The following LGR6 variants were observed in gnomAD, a reference collection of about 807,000 sequenced individuals.
LGR6 encodes the protein leucine rich repeat containing G protein-coupled receptor 6.
Under a neutral mutation model 69.4 loss-of-function variants are expected in LGR6, and 45 were observed. The ratio of observed to expected loss-of-function variants is 0.65; its 90% CI spans 0.51 to 0.83. The LOEUF is 0.83. LGR6 is among the 40% of genes least tolerant of loss of function. The probability of loss-of-function intolerance (pLI) is 0.00; values close to 1 mark genes in which losing one functional copy is unlikely to be tolerated. For synonymous variants in LGR6, 538 were observed against 555.0 expected (o/e 0.97, Z 0.43); for missense variants, 1,108 against 1,246.7 (o/e 0.89, Z 1.68).
rs150859191 is a variant in LGR6, at chr1:202,318,348, C to G, written c.2045C>G (p.Ser682Cys). ...SCVRAYGKSP[S>C]LGSVRAGVLG... is the part of the protein sequence containing the mutation. ...GTCCGGGCCTATGGGAAGTCCCCCTCCCTGGGCAGCGTTCGAGCAGGGGTC... is the reference window on the plus strand; with the variant it reads ...GTCCGGGCCTATGGGAAGTCCCCCTGCCTGGGCAGCGTTCGAGCAGGGGTC... The change falls in exon 18 of 18, where the codon TCC becomes TGC. Residue 682 changes from serine to cysteine, a missense_variant. By Grantham distance (112) the Ser-to-Cys change is moderately radical. Transcript: ENST00000367278. The G allele has an allele frequency of 1.3e-6, 2 of 1,598,178 alleles. No homozygotes were observed. Among genetic ancestry groups the G allele is most frequent in the Non-Finnish European group, 1.7e-6 (2 of 1,172,172 alleles).
chr1:202,227,002 G>A (rs939984222), intron 2 of LGR6, among the ~76,000 whole-genome samples: 7 of 152,106 alleles, frequency 4.6e-5, no homozygotes, highest in South Asian at 4.1e-4. Context: ...CGTCTCCCAC[G>A]ACCTGAGAGG....
intron 6 of LGR6, among the ~76,000 whole-genome samples, chr1:202,284,791 C>T (rs1023212564): frequency 6.6e-6 from 1 of 152,210 alleles, no homozygotes; most frequent in Non-Finnish European, 1.5e-5. Flanking sequence ...GATCTGGGAA[C>T]TTGATGGCTG....
chr1:202,300,819 T>A, intron 7 of LGR6, 30 bp from the exon 8 acceptor site: 1 of 1,565,492 alleles, frequency 6.4e-7, no homozygotes, highest in Non-Finnish European at 8.7e-7. Context: ...TTTCTCCAAA[T>A]CCTCACTGGT....
chr1:202,280,760 G>A, intron 5 of LGR6, 21 bp from the exon 6 acceptor site: 1 of 1,613,822 alleles, frequency 6.2e-7, no homozygotes, highest in South Asian at 1.1e-5. Context: ...CCATTCTGAT[G>A]CGTCTTTCCT....
chr1:202,303,999 C>T (rs1667795771), intron 10 of LGR6, among the ~76,000 whole-genome samples: 1 of 152,302 alleles, frequency 6.6e-6, no homozygotes, highest in South Asian at 2.1e-4. Context: ...TTGGGTCCTT[C>T]CTGGGACACC....
At chr1:202,231,552 T>C (rs188657074) in intron 3 of LGR6, among the ~76,000 whole-genome samples, 3 of 152,202 alleles carry the variant, frequency 2.0e-5, no homozygotes, top group Admixed American at 2.0e-4. Context: ...CCAGAACAGA[T>C]GTTAAGGAGG....
intron 1 of LGR6, among the ~76,000 whole-genome samples, chr1:202,217,866 G>A (rs1659888323): frequency 6.6e-6 from 1 of 152,210 alleles, no homozygotes; most frequent in Non-Finnish European, 1.5e-5. Context: ...AGGACTCTGT[G>A]CAAAGCCAGA....
intron 1 of LGR6, among the ~76,000 whole-genome samples, chr1:202,202,063 C>A (rs1210966410): frequency 6.6e-6 from 1 of 152,052 alleles, no homozygotes; most frequent in Non-Finnish European, 1.5e-5. Context: ...AGAAAGAGGA[C>A]CGAGGTGGCC....
intron 6 of LGR6, among the ~76,000 whole-genome samples, chr1:202,288,581 G>T (rs1558065086): frequency 6.6e-6 from 1 of 152,172 alleles, no homozygotes; most frequent in Non-Finnish European, 1.5e-5. Flanking sequence ...GTTCCCAGCT[G>T]CAGTCACATC....
chr1:202,247,123 G>A (rs941459996), intron 4 of LGR6, among the ~76,000 whole-genome samples: 1 of 152,182 alleles, frequency 6.6e-6, no homozygotes, highest in South Asian at 2.1e-4. Flanking sequence ...GAATCTTCAG[G>A]GCTGGGGCCC....
chr1:202,197,446 T>C, intron 1 of LGR6: 1 of 533,434 alleles, frequency 1.9e-6, no homozygotes. Flanking sequence ...TCTTAAACTA[T>C]AGTCTCAGCG....
intron 4 of LGR6, among the ~76,000 whole-genome samples, chr1:202,263,601 G>T (rs1558045929): frequency 1.3e-5 from 2 of 152,116 alleles, no homozygotes; most frequent in South Asian, 2.1e-4. Flanking sequence ...CGGGGGTGTG[G>T]GTGTGGTGGG....
In LGR6 at chr1:202,236,010, C is replaced by T; in HGVS notation, c.428+17C>T. The T allele has an allele frequency of 6.2e-7, 1 of 1,610,862 alleles. No homozygotes were observed. The highest frequency in any genetic ancestry group is 8.5e-7 in the Non-Finnish European group (1 of 1,177,570). ...GCAGTCGCTGTGAGTCATTAGAGGG[C>T]TGGTCTGGGAGTCACCAGCTTCCTG... On this transcript the variant is annotated intron_variant, in intron 4 of 17. Coordinates refer to ENST00000367278, the MANE Select transcript of LGR6 (RefSeq NM_001017403.2).
At chr1:202,244,093 G>A (rs1662443787) in intron 4 of LGR6, among the ~76,000 whole-genome samples, 1 of 152,076 alleles carries the variant, frequency 6.6e-6, no homozygotes, top group Non-Finnish European at 1.5e-5. Flanking sequence ...AAGTAGCTGG[G>A]ACTATAGGTG....
chr1:202,274,395 G>A (rs1472038757), intron 4 of LGR6, among the ~76,000 whole-genome samples: 3 of 152,180 alleles, frequency 2.0e-5, no homozygotes. Flanking sequence ...ATCTCTTGGA[G>A]TAATTTATGA....
At chr1:202,294,667 G>A (rs576079859) in intron 6 of LGR6, among the ~76,000 whole-genome samples, 85 of 152,280 alleles carry the variant, frequency 5.6e-4, no homozygotes, top group African/African-American at 1.9e-3. Context: ...AGGCTGTGAG[G>A]CCTCATGTGA....
At chr1:202,299,700 A>G (rs942551076) in intron 7 of LGR6, among the ~76,000 whole-genome samples, 8 of 152,120 alleles carry the variant, frequency 5.3e-5, no homozygotes, top group African/African-American at 1.9e-4. Context: ...CACTGGCTGG[A>G]GGTGTCTGAG....
chr1:202,301,474 AG>A (rs1667590925), intron 9 of LGR6, among the ~76,000 whole-genome samples: 1 of 152,216 alleles, frequency 6.6e-6, no homozygotes, highest in Non-Finnish European at 1.5e-5. Flanking sequence ...CAAAGGGACA[AG>A]GAAGGTCCAT....
In LGR6 at chr1:202,306,872, C is replaced by T; in HGVS notation, c.1141C>T (p.Leu381Phe). 6.2e-7 allele frequency: 1 copy of T among 1,614,092 alleles called. No homozygotes were observed. The highest frequency in any genetic ancestry group is 8.5e-7 in the Non-Finnish European group (1 of 1,179,974). The change falls in exon 13 of 18, where the codon CTC becomes TTC. Residue 381 changes from leucine (L) to phenylalanine (F), a missense_variant. Leu to Phe is a conservative substitution (Grantham distance 22). Coordinates refer to ENST00000367278, the MANE Select transcript of LGR6 (RefSeq NM_001017403.2). ...CAGCCTCTCTTGCTGCCCTAGCGGC[C>T]TCCAACACAACCGCATCTGGGAAAT... ...HRCQKLEEIG[L>F]QHNRIWEIGA...
Sources: allele counts gnomAD v4.1 joint callset (sites outside exome capture counted in the v4.1 genomes callset), GRCh38; gene constraint gnomAD v4.1.1; transcripts MANE v1.5; gene names NCBI Gene and HGNC (gene_info 2026-07-23, HGNC 2026-07-21).